The following CNTNAP2 variants were observed in gnomAD, a reference collection of about 807,000 sequenced individuals.
The protein encoded by CNTNAP2 is contactin associated protein 2.
Under a neutral mutation model 155.2 loss-of-function variants are expected in CNTNAP2, and 98 were observed. The observed-to-expected ratio is 0.63, with a 90% CI of 0.54 to 0.75. The LOEUF (loss-of-function observed/expected upper bound fraction) is 0.75. Among genes scored for constraint, CNTNAP2 ranks in the 30% least tolerant of loss-of-function variants. CNTNAP2 has a pLI of 0.00. For missense variants in CNTNAP2, 1,727 were observed against 1,688.1 expected, an observed-to-expected ratio of 1.02 and a Z score of -0.40; for synonymous variants, 651 against 631.2, an observed-to-expected ratio of 1.03 and a Z score of -0.47.
intron 3 of CNTNAP2, among the ~76,000 whole-genome samples, chr7:147,017,032 T>TA (rs58493647): frequency 0.17 from 24,723 of 142,962 alleles, 2,231 homozygotes; most frequent in Middle Eastern, 0.27. Flanking sequence ...TTTAAGCTAG[T>TA]AAAAAAAAAA....
chr7:146,783,295 A>G (rs1162981608), intron 2 of CNTNAP2, among the ~76,000 whole-genome samples: 1 of 152,182 alleles, frequency 6.6e-6, no homozygotes, highest in Non-Finnish European at 1.5e-5. Context: ...TCCTTAGCCC[A>G]ATATATTCTA....
chr7:147,969,157 C>A (rs1047014991), intron 14 of CNTNAP2, among the ~76,000 whole-genome samples: 1 of 151,994 alleles, frequency 6.6e-6, no homozygotes, highest in Non-Finnish European at 1.5e-5. Context: ...TCAAGCAATC[C>A]TCCCACCTCA....
chr7:146,873,523 T>C (rs1795357675), intron 3 of CNTNAP2, among the ~76,000 whole-genome samples: 1 of 152,132 alleles, frequency 6.6e-6, no homozygotes, highest in Non-Finnish European at 1.5e-5. Context: ...AGTGTAGAAC[T>C]GGAAGTGCAT....
intron 2 of CNTNAP2, among the ~76,000 whole-genome samples, chr7:146,819,671 A>G (rs1055922845): frequency 7.2e-5 from 11 of 152,154 alleles, no homozygotes; most frequent in African/African-American, 2.2e-4. Flanking sequence ...CGATATGGGA[A>G]CTTGACACCT....
chr7:146,911,842 T>A (rs1796289918), intron 3 of CNTNAP2, among the ~76,000 whole-genome samples: 1 of 152,144 alleles, frequency 6.6e-6, no homozygotes, highest in Non-Finnish European at 1.5e-5. Flanking sequence ...TGGTTTACAA[T>A]CTTCAAGAAC....
chr7:147,002,948 A>C, intron 3 of CNTNAP2, among the ~76,000 whole-genome samples: 1 of 143,386 alleles, frequency 7.0e-6, no homozygotes, highest in African/African-American at 2.7e-5. Flanking sequence ...TCCTTCCAAA[A>C]AAAAAAAAAA....
intron 15 of CNTNAP2, among the ~76,000 whole-genome samples, chr7:148,040,246 C>T (rs1249998795): frequency 2.0e-5 from 3 of 152,104 alleles, no homozygotes; most frequent in Non-Finnish European, 2.9e-5. Flanking sequence ...TAAGCAAAAG[C>T]ATTAAAATGA....
chr7:147,421,186 G>C (rs748135707), intron 10 of CNTNAP2, among the ~76,000 whole-genome samples: 2 of 152,112 alleles, frequency 1.3e-5, no homozygotes, highest in African/African-American at 4.8e-5. Flanking sequence ...GTTCTGAAAA[G>C]CAGTGTTTAG....
intron 1 of CNTNAP2, among the ~76,000 whole-genome samples, chr7:146,679,163 C>G (rs1800456073): frequency 1.3e-5 from 2 of 152,034 alleles, no homozygotes; most frequent in African/African-American, 4.8e-5. Flanking sequence ...CTCCTCCCAC[C>G]CTCAGCCTTC....
At chr7:146,249,613 T>C (rs143316673) in intron 1 of CNTNAP2, among the ~76,000 whole-genome samples, 1,593 of 152,340 alleles carry the variant, frequency 0.01, 13 homozygotes, top group Non-Finnish European at 0.018. Flanking sequence ...TATTATTTTC[T>C]TTATTTCTAA....
chr7:147,697,120 G>A (rs1453888092), intron 13 of CNTNAP2, among the ~76,000 whole-genome samples: 2 of 152,122 alleles, frequency 1.3e-5, no homozygotes, highest in African/African-American at 2.4e-5. Context: ...CTCACACTCA[G>A]AGATTCTCTC....
chr7:147,004,205 C>A (rs1333859943), intron 3 of CNTNAP2, among the ~76,000 whole-genome samples: 2 of 103,008 alleles, frequency 1.9e-5, no homozygotes, highest in Non-Finnish European at 3.7e-5. Flanking sequence ...ACTTAAAACT[C>A]ATATACCAAA....
At chr7:146,443,929 T>C (rs1159009651) in intron 1 of CNTNAP2, among the ~76,000 whole-genome samples, 1 of 152,366 alleles carries the variant, frequency 6.6e-6, no homozygotes, top group Non-Finnish European at 1.5e-5. Flanking sequence ...TATCACAGTG[T>C]TCTGTATACA....
At chr7:148,068,170 C>T (rs781118164) in intron 15 of CNTNAP2, among the ~76,000 whole-genome samples, 45 of 152,172 alleles carry the variant, frequency 3.0e-4, no homozygotes, top group African/African-American at 1.1e-3. Context: ...CCCCCTACCC[C>T]ACCCCTGCCC....
chr7:147,851,304 A>G (rs1314804075), intron 13 of CNTNAP2, among the ~76,000 whole-genome samples: 2 of 152,182 alleles, frequency 1.3e-5, no homozygotes, highest in Non-Finnish European at 2.9e-5. Context: ...AGAAATAGGA[A>G]CACTTTTACA....
chr7:147,081,400 T>G (rs950645909), intron 4 of CNTNAP2: 2 of 150,022 alleles, frequency 1.3e-5, no homozygotes, highest in African/African-American at 4.9e-5. Flanking sequence ...CACTCATCAC[T>G]TAAAAACTAA....
intron 19 of CNTNAP2, among the ~76,000 whole-genome samples, chr7:148,219,121 T>C (rs1795697468): frequency 6.6e-6 from 1 of 151,942 alleles, no homozygotes; most frequent in Admixed American, 6.5e-5. Flanking sequence ...TTTTGTATTT[T>C]TAGTAGAGAC....
intron 8 of CNTNAP2, among the ~76,000 whole-genome samples, chr7:147,182,295 C>T (rs984300619): frequency 1.3e-5 from 2 of 151,890 alleles, no homozygotes; most frequent in African/African-American, 4.8e-5. Context: ...CAATATTAAC[C>T]TCCTCTTTTT....
chr7:147,404,506 C>T (rs1796970363), intron 10 of CNTNAP2, among the ~76,000 whole-genome samples: 1 of 152,162 alleles, frequency 6.6e-6, no homozygotes, highest in African/African-American at 2.4e-5. Context: ...TTGGATTCCA[C>T]TGATTTTTAT....
Sources: allele counts gnomAD v4.1 joint callset (sites outside exome capture counted in the v4.1 genomes callset), GRCh38; gene constraint gnomAD v4.1.1; transcripts MANE v1.5; gene names NCBI Gene and HGNC (gene_info 2026-07-23, HGNC 2026-07-21).